PCSK5: variants seen among roughly 807,000 people sequenced by gnomAD.
The protein encoded by PCSK5 is prohormone convertase 5.
Under a neutral mutation model 233.2 loss-of-function variants are expected in PCSK5, and 129 were observed. The observed-to-expected ratio is 0.55, with a 90% CI of 0.48 to 0.64. The LOEUF (loss-of-function observed/expected upper bound fraction) is 0.64, where lower values mean the gene tolerates loss of function less well. Ranked by LOEUF, PCSK5 falls within the 30% of genes least tolerant of loss-of-function variation. The pLI is 0.00. For synonymous variants in PCSK5, 825 were observed against 879.2 expected (o/e 0.94, Z 1.09); for missense variants, 2,076 against 2,430.1 (o/e 0.85, Z 3.06).
chr9:76,164,670 G>A (rs994577305), intron 12 of PCSK5, among the ~76,000 whole-genome samples: 1 of 152,162 alleles, frequency 6.6e-6, no homozygotes, highest in Non-Finnish European at 1.5e-5. Context: ...ACTTTAAATA[G>A]CAAGGATTTA....
chr9:76,187,977 C>G (rs1237407691), intron 17 of PCSK5, among the ~76,000 whole-genome samples: 1 of 152,000 alleles, frequency 6.6e-6, no homozygotes, highest in Admixed American at 6.6e-5. Flanking sequence ...ATGAATAAAT[C>G]AAGAAATAGA....
In PCSK5 at chr9:76,204,609, C is replaced by T. The variant is rs561453712; in HGVS notation, c.2626+14863C>T. ...CTAGAGTGCTGGAATCACAGGTCCA[C>T]AATTGTGTTTGTTCTTATTTGTTGG... On this transcript the variant is annotated intron_variant, in intron 20 of 37. Coordinates refer to ENST00000674117, the MANE Select transcript of PCSK5 (RefSeq NM_001372043.1). Among the ~76,000 whole-genome samples, 5 of 152,176 alleles carry T rather than the reference C, an allele frequency of 3.3e-5. No homozygotes were observed. The South Asian group carries it at 8.3e-4, about 25-fold the overall frequency.
intron 3 of PCSK5, among the ~76,000 whole-genome samples, chr9:75,997,550 G>T (rs893207697): frequency 6.6e-6 from 1 of 152,166 alleles, no homozygotes. Context: ...GATTCAAGCC[G>T]AAAGAGCTGC....
At chr9:76,295,463 A>G in intron 26 of PCSK5, 52 bp downstream of exon 26, 1 of 1,574,654 alleles carries the variant, frequency 6.4e-7, no homozygotes. Flanking sequence ...CTGGAGCTCC[A>G]CACAGTCGGG....
At chr9:75,968,158 C>G (rs944260812) in intron 2 of PCSK5, among the ~76,000 whole-genome samples, 1 of 152,226 alleles carries the variant, frequency 6.6e-6, no homozygotes, top group African/African-American at 2.4e-5. Context: ...TGATGCAACA[C>G]TAGTGCCTAG....
intron 3 of PCSK5, among the ~76,000 whole-genome samples, chr9:75,990,110 A>C (rs551424733): frequency 2.1e-4 from 32 of 152,170 alleles, no homozygotes; most frequent in Non-Finnish European, 4.3e-4. Flanking sequence ...CCCAGTGGGC[A>C]TTCTTGGGAG....
rs1205078009 is a variant in PCSK5 at position 76,189,193 on chromosome 9, C to T, written c.2480C>T (p.Ser827Phe). 6.2e-7 allele frequency: 1 copy of T among 1,613,078 alleles called. No homozygotes were observed. The highest frequency in any genetic ancestry group is 1.3e-5 in the African/African-American group (1 of 75,038). The change falls in exon 19 of 38, where the codon TCT (serine) becomes TTT (phenylalanine). Residue 827 changes from serine to phenylalanine, a missense_variant. Coordinates refer to ENST00000674117, the MANE Select transcript of PCSK5 (RefSeq NM_001372043.1). Reference protein sequence around the residue: ...SCSISYYFDHSSENGYKSCKK... With the variant: ...SCSISYYFDHFSENGYKSCKK... ...AGTATCAGCTATTACTTTGACCACTCTTCAGAGAATGGATACAAATCCTGC... is the reference window on the plus strand; with the variant it reads ...AGTATCAGCTATTACTTTGACCACTTTTCAGAGAATGGATACAAATCCTGC...
intron 2 of PCSK5, among the ~76,000 whole-genome samples, chr9:75,949,121 ATATGAG>A (rs1824725487): frequency 6.6e-6 from 1 of 150,714 alleles, no homozygotes; most frequent in African/African-American, 2.5e-5. Flanking sequence ...CAAATTTTTA[ATATGAG>A]TATGTCTCAG....
At chr9:76,084,943 T>A (rs1210816547) in intron 7 of PCSK5, among the ~76,000 whole-genome samples, 1 of 152,160 alleles carries the variant, frequency 6.6e-6, no homozygotes, top group Non-Finnish European at 1.5e-5. Context: ...TCAAACCTAA[T>A]ATTTAGCTGT....
chr9:76,221,483 C>T (rs954638695), intron 20 of PCSK5, among the ~76,000 whole-genome samples: 2 of 152,198 alleles, frequency 1.3e-5, no homozygotes, highest in Non-Finnish European at 2.9e-5. Flanking sequence ...ATTTTTTAAT[C>T]TCCCTGAGCC....
At chr9:76,107,459 C>G in intron 9 of PCSK5, 108 bp downstream of exon 9, 1 of 565,792 alleles carries the variant, frequency 1.8e-6, no homozygotes. Context: ...AGAATATAAT[C>G]TTCCCAATCC....
At chr9:75,994,488 G>A (rs1428298097) in intron 3 of PCSK5, among the ~76,000 whole-genome samples, 18 of 127,572 alleles carry the variant, frequency 1.4e-4, no homozygotes, top group East Asian at 8.2e-4. Flanking sequence ...GCAGTGGCGC[G>A]ATCTTAGCTC....
At chr9:75,992,352 C>T (rs949450986) in intron 3 of PCSK5, among the ~76,000 whole-genome samples, 3 of 152,132 alleles carry the variant, frequency 2.0e-5, no homozygotes, top group Non-Finnish European at 4.4e-5. Flanking sequence ...AACACATATT[C>T]GTACATGGAA....
At chr9:75,948,019 A>T (rs1013027313) in intron 2 of PCSK5, among the ~76,000 whole-genome samples, 62 of 151,562 alleles carry the variant, frequency 4.1e-4, no homozygotes, top group Non-Finnish European at 6.9e-4. Context: ...TTTTTTTTTT[A>T]AATTTTTTGT....
At chr9:76,194,749 T>C (rs1393637116) in intron 20 of PCSK5, 1 of 467,582 alleles carries the variant, frequency 2.1e-6, no homozygotes, top group Non-Finnish European at 4.4e-6. Flanking sequence ...AGTTTCTCTG[T>C]TTAGGGGAGC....
At chr9:76,040,062 A>ACATT (rs1252387806) in intron 5 of PCSK5, among the ~76,000 whole-genome samples, 1 of 152,196 alleles carries the variant, frequency 6.6e-6, no homozygotes, top group African/African-American at 2.4e-5. Context: ...TCACTTGTAA[A>ACATT]CATTCATGTC....
At chr9:76,130,668 AC>A (rs138877486) in intron 9 of PCSK5, among the ~76,000 whole-genome samples, 21,716 of 152,230 alleles carry the variant, frequency 0.14, 1,877 homozygotes, top group Non-Finnish European at 0.19. Flanking sequence ...ATAAATGATT[AC>A]ATATACAGAA....
At chr9:76,064,302 G>A (rs1224709865) in intron 5 of PCSK5, among the ~76,000 whole-genome samples, 2 of 98,204 alleles carry the variant, frequency 2.0e-5, no homozygotes, top group Non-Finnish European at 4.0e-5. Context: ...TCCCAGTAGG[G>A]GCGGCCGGGC....
chr9:75,902,214 TAAAAAA>T (rs200579439), intron 1 of PCSK5, among the ~76,000 whole-genome samples: 6,270 of 52,530 alleles, frequency 0.12, 162 homozygotes, highest in Middle Eastern at 0.25. Flanking sequence ...AGACACCATC[TAAAAAA>T]AAAAAAAAAA....
Sources: gnomAD v4.1 joint callset for allele counts (sites outside exome capture counted in the v4.1 genomes callset) on GRCh38, gnomAD v4.1.1 for gene constraint, MANE v1.5 for transcripts, NCBI Gene and HGNC (gene_info 2026-07-23, HGNC 2026-07-21) for gene names.